ITCH: variants seen among roughly 807,000 people sequenced by gnomAD.
The protein encoded by ITCH is E3 ubiquitin-protein ligase Itchy homolog.
In ITCH, 28 loss-of-function variants were observed where a neutral mutation model predicts 126.8. The ratio of observed to expected loss-of-function variants is 0.22; its 90% CI spans 0.16 to 0.30. The LOEUF is 0.30. Ranked by LOEUF, ITCH falls within the 10% of genes least tolerant of loss-of-function variation. The probability of loss-of-function intolerance (pLI) is 1.00; values close to 1 mark genes in which losing one functional copy is unlikely to be tolerated. For synonymous variants in ITCH, 342 were observed against 340.0 expected, an observed-to-expected ratio of 1.01 and a Z score of -0.06; for missense variants, 631 against 1,032.4, an observed-to-expected ratio of 0.61 and a Z score of 5.33.
intron 23 of ITCH, 27 bp from the exon 24 acceptor site, chr20:34,504,304 A>C (rs1279392641): frequency 6.4e-7 from 1 of 1,566,188 alleles, no homozygotes; most frequent in Admixed American, 1.7e-5. Context: ...ATACTAACAA[A>C]CTGTTTATGA....
At chr20:34,404,034 A>G (rs1292306957) in intron 3 of ITCH, among the ~76,000 whole-genome samples, 2 of 152,170 alleles carry the variant, frequency 1.3e-5, no homozygotes, top group African/African-American at 4.8e-5. Context: ...TCATTTAAGT[A>G]ATGACATTAA....
chr20:34,422,839 G>C (rs1980962701), intron 6 of ITCH, among the ~76,000 whole-genome samples: 1 of 151,788 alleles, frequency 6.6e-6, no homozygotes, highest in African/African-American at 2.4e-5. Context: ...CTGTCGCCCA[G>C]GGTGGAGTGC....
intron 24 of ITCH, among the ~76,000 whole-genome samples, chr20:34,507,489 A>G (rs377752617): frequency 1.3e-5 from 2 of 151,298 alleles, no homozygotes; most frequent in African/African-American, 4.9e-5. Context: ...AGTTTTTTAT[A>G]TATTTTGGAT....
At chr20:34,381,706 G>A (rs1412297220) in intron 2 of ITCH, among the ~76,000 whole-genome samples, 2 of 151,744 alleles carry the variant, frequency 1.3e-5, no homozygotes, top group African/African-American at 4.8e-5. Flanking sequence ...GATTACAGAC[G>A]TGAGCGACCG....
chr20:34,476,923 C>T (rs1988284304), intron 16 of ITCH: 1 of 152,252 alleles, frequency 6.6e-6, no homozygotes. Context: ...GATTGTAGCT[C>T]AGTAATGTAC....
At chr20:34,498,230 A>G (rs1036877174) in intron 23 of ITCH, among the ~76,000 whole-genome samples, 3 of 151,992 alleles carry the variant, frequency 2.0e-5, no homozygotes, top group African/African-American at 7.3e-5. Context: ...ATAATTTTTT[A>G]TTGGTGGAGT....
intron 1 of ITCH, among the ~76,000 whole-genome samples, chr20:34,367,431 TTC>T (rs903816089): frequency 2.0e-5 from 3 of 152,224 alleles, no homozygotes; most frequent in Non-Finnish European, 4.4e-5. Flanking sequence ...GGGAGTGTTT[TTC>T]TCTCAGCCTG....
At chr20:34,419,417 A>G (rs1980433442) in intron 6 of ITCH, among the ~76,000 whole-genome samples, 3 of 151,354 alleles carry the variant, frequency 2.0e-5, no homozygotes, top group African/African-American at 4.8e-5. Flanking sequence ...TAAAAGTTTT[A>G]TCCTATGTGT....
chr20:34,423,625 G>A (rs962838373), intron 6 of ITCH, among the ~76,000 whole-genome samples: 4 of 151,616 alleles, frequency 2.6e-5, no homozygotes, highest in Admixed American at 1.3e-4. Flanking sequence ...TTTTTGAGAC[G>A]GGAGTTTTGC....
chr20:34,377,297 CAG>C (rs1164840293), intron 2 of ITCH, among the ~76,000 whole-genome samples: 1 of 152,150 alleles, frequency 6.6e-6, no homozygotes, highest in African/African-American at 2.4e-5. Context: ...TTGCTGGAAA[CAG>C]GGAGGCGGAG....
chr20:34,401,812 T>G (rs2038896309), intron 3 of ITCH, among the ~76,000 whole-genome samples: 1 of 152,056 alleles, frequency 6.6e-6, no homozygotes, highest in African/African-American at 2.4e-5. Flanking sequence ...AGGGAGCAGC[T>G]TCAACAATTC....
chr20:34,414,262 G>A (rs1176008293), intron 6 of ITCH, among the ~76,000 whole-genome samples: 1 of 151,458 alleles, frequency 6.6e-6, no homozygotes, highest in Non-Finnish European at 1.5e-5. Context: ...TTTTACATAA[G>A]TTGAAAAATT....
chr20:34,402,373 A>G (rs1343574072), intron 3 of ITCH: 78 of 822,302 alleles, frequency 9.5e-5, no homozygotes, highest in Middle Eastern at 2.2e-4. Flanking sequence ...TTTGAGATCA[A>G]TTTGGGTCCC....
Position 34,432,048 on chromosome 20 carries a change from CA to C in ITCH, c.522-6406del, listed in dbSNP as rs10668679. On this transcript the variant is annotated intron_variant, in intron 7 of 24. Coordinates refer to ENST00000374864, the MANE Select transcript of ITCH (RefSeq NM_031483.7). ...GACAGAGCAAGATTAGATTCTATGT[CA>C]AAAAAAAAAAAAAAAAAAAGATGGG... Among the ~76,000 whole-genome samples the C allele has an allele frequency of 6.3e-3, 584 of 92,230 alleles. 4 individuals are homozygous for C. The highest frequency in any genetic ancestry group is 0.018 in the African/African-American group (444 of 24,118). The allele number at this position is 92,230 out of a possible 152,430, so 60.5% of individuals were successfully genotyped here.
chr20:34,445,157 T>C, intron 10 of ITCH, 130 bp from the exon 11 acceptor site: 2 of 1,038,868 alleles, frequency 1.9e-6, no homozygotes, highest in Non-Finnish European at 2.8e-6. Context: ...TTAAGTTCAC[T>C]TACAAACTAT....
chr20:34,470,571 AT>A (rs1987525946), intron 15 of ITCH, among the ~76,000 whole-genome samples: 1 of 152,126 alleles, frequency 6.6e-6, no homozygotes, highest in Non-Finnish European at 1.5e-5. Context: ...TTCTGATATA[AT>A]TTTAACCAGC....
In ITCH at chr20:34,408,788, A is replaced by C; in HGVS notation, c.208A>C (p.Thr70Pro). ...CAGTCCCAAGTGGAAGCAACCCCTT[A>C]CAGTGTAAGCTTGGAAGTATTTTTC... ...TNSPKWKQPLTVIVTPVSKLH... is the reference protein window; with the variant it reads ...TNSPKWKQPLPVIVTPVSKLH... Residue 70 changes from threonine (T) to proline (P), a missense_variant, in exon 4 of 25, where the codon ACA becomes CCA. Physicochemically the swap from Thr to Pro is conservative, Grantham distance 38. Transcript: ENST00000374864. 4 of 1,614,032 alleles carry C rather than the reference A, an allele frequency of 2.5e-6. No individual in the cohort carries two copies. The highest frequency in any genetic ancestry group is 3.4e-6 in the Non-Finnish European group (4 of 1,179,928).
At chr20:34,384,471 G>C (rs1466400970) in intron 2 of ITCH, among the ~76,000 whole-genome samples, 3 of 151,466 alleles carry the variant, frequency 2.0e-5, no homozygotes, top group Admixed American at 6.6e-5. Context: ...AGTAGAGACG[G>C]GGTTTGACCA....
intron 4 of ITCH, among the ~76,000 whole-genome samples, chr20:34,410,518 A>G (rs1978867300): frequency 6.6e-6 from 1 of 152,206 alleles, no homozygotes; most frequent in Admixed American, 6.5e-5. Flanking sequence ...AGATTGAGTC[A>G]AAATGAAACA....
Sources: allele counts gnomAD v4.1 joint callset (sites outside exome capture counted in the v4.1 genomes callset), GRCh38; gene constraint gnomAD v4.1.1; transcripts MANE v1.5; gene names NCBI Gene and HGNC (gene_info 2026-07-23, HGNC 2026-07-21).